NEMF: variants seen among roughly 807,000 people sequenced by gnomAD.
The protein encoded by NEMF is nuclear export mediator factor.
Under a neutral mutation model 162.2 loss-of-function variants are expected in NEMF, and 89 were observed. That is an observed-to-expected ratio of 0.55 (90% confidence interval 0.46 to 0.65). The LOEUF (loss-of-function observed/expected upper bound fraction) is 0.65. NEMF is among the 30% of genes least tolerant of loss of function. The pLI, the probability that NEMF is intolerant of heterozygous loss-of-function variation, is 0.00. For synonymous variants in NEMF, 421 were observed against 404.5 expected, an observed-to-expected ratio of 1.04 and a Z score of -0.49; for missense variants, 1,133 against 1,261.9, an observed-to-expected ratio of 0.90 and a Z score of 1.55.
At chr14:49,846,416 G>A in intron 3 of NEMF, 151 bp from the exon 4 acceptor site, 2 of 676,032 alleles carry the variant, frequency 3.0e-6, no homozygotes, top group South Asian at 4.0e-5. Context: ...GATTGCAGAT[G>A]ATAATCAGAG....
chr14:49,823,155 G>A (rs1002968992), intron 16 of NEMF, among the ~76,000 whole-genome samples: 2 of 151,844 alleles, frequency 1.3e-5, no homozygotes, highest in African/African-American at 4.8e-5. Context: ...GGCCAGGTTG[G>A]TCTCAAACTC....
At position 49,814,868 on chromosome 14, in the gene NEMF, G is replaced by A. The variant is rs1354682732; in HGVS notation, c.1578-11C>T. The A allele has an allele frequency of 1.3e-6, 2 of 1,493,356 alleles. No individual in the cohort carries two copies. Among genetic ancestry groups the A allele is most frequent in the African/African-American group, 2.9e-5 (2 of 69,936 alleles). 92.5% of individuals were successfully genotyped at this position (1,493,356 alleles called of 1,614,324 possible). On this transcript the variant is annotated splice_polypyrimidine_tract_variant and intron_variant, in intron 16 of 32. Transcript: ENST00000298310. ...AGAAATTTCTCAAACCTATCAAAAT[G>A]AAAGAAAAAAAGTTAACTTTTCTTT...
intron 16 of NEMF, among the ~76,000 whole-genome samples, chr14:49,815,698 CT>C (rs1478903275): frequency 2.6e-5 from 4 of 152,116 alleles, no homozygotes; most frequent in Non-Finnish European, 5.9e-5. Flanking sequence ...GACACGGTGC[CT>C]CACGCCTGTA....
intron 16 of NEMF, among the ~76,000 whole-genome samples, chr14:49,818,069 G>A (rs1891806420): frequency 6.7e-6 from 1 of 150,338 alleles, no homozygotes; most frequent in East Asian, 1.9e-4. Context: ...GAAAACAAAT[G>A]GACAAGTGAT....
rs373302126 is a variant in NEMF, at chr14:49,782,903, C to T, written c.*1733G>A. On this transcript the variant is annotated 3_prime_UTR_variant, in exon 33 of 33. Transcript: ENST00000298310. ...ATGGAACTGCCTTCCAAAACACTTA[C>T]TTCACAGTGTTAATCAGAGGTTTGG... 1.4e-5 allele frequency: 22 copies of T among 1,613,052 alleles called. No individual in the cohort carries two copies. The highest frequency in any genetic ancestry group is 1.6e-5 in the Non-Finnish European group (19 of 1,179,186).
At chr14:49,851,913 T>C (rs1305503321) in intron 1 of NEMF, 38 bp from the exon 2 acceptor site, 6 of 1,236,244 alleles carry the variant, frequency 4.9e-6, no homozygotes, top group Non-Finnish European at 6.9e-6. Flanking sequence ...TGTTACACTA[T>C]TGTCTGAAAC....
chr14:49,834,353 G>A lies in NEMF; in HGVS notation c.661+10C>T. ...ATGAAATAAATGAAAAATGTACCAT[G>A]CAGACATACCTTTAGTTTCAAGTTT... is the stretch of plus-strand genomic sequence containing the variant. On this transcript the variant is annotated intron_variant, in intron 7 of 32. Coordinates refer to ENST00000298310, the MANE Select transcript of NEMF (RefSeq NM_004713.6). 6.5e-7 allele frequency: 1 copy of A among 1,545,674 alleles called. No homozygotes were observed. Among genetic ancestry groups the A allele is most frequent in the Non-Finnish European group, 8.9e-7 (1 of 1,119,848 alleles).
At chr14:49,786,654 A>C in intron 29 of NEMF, 64 bp downstream of exon 29, 2 of 1,478,200 alleles carry the variant, frequency 1.4e-6, no homozygotes, top group Non-Finnish European at 1.9e-6. Context: ...GTTGTGTTTC[A>C]AACATTCTGG....
At position 49,825,910 on chromosome 14, in the gene NEMF, C is replaced by G; in HGVS notation, c.1534G>C (p.Val512Leu). 6.2e-7 allele frequency: 1 copy of G among 1,611,508 alleles called. No homozygotes were observed. The highest frequency in any genetic ancestry group is 2.2e-5 in the East Asian group (1 of 44,812). ...EKKTKQTLKEVQTVTSIQKAR... is the reference protein window; with the variant it reads ...EKKTKQTLKELQTVTSIQKAR... ...TTTTGAATAGAGGTAACAGTCTGAA[C>G]TTCTTTTAATGTTTGCTTTGTTTTC... is the stretch of plus-strand genomic sequence containing the variant. The change falls in exon 16 of 33, where the codon GTT becomes CTT. Residue 512 changes from valine to leucine, a missense_variant. Physicochemically the swap from Val to Leu is conservative, Grantham distance 32. This residue lies in a region of NEMF where 582 missense variants were observed against 631.5 expected (regional missense o/e 0.92). Coordinates refer to ENST00000298310, the MANE Select transcript of NEMF (RefSeq NM_004713.6).
At chr14:49,786,519 A>G in intron 29 of NEMF, 199 bp downstream of exon 29, 1 of 578,396 alleles carries the variant, frequency 1.7e-6, no homozygotes, top group South Asian at 2.3e-5. Context: ...TCTTCAGATG[A>G]GGAAACTGAG....
At chr14:49,847,946 C>T (rs1458113178) in intron 3 of NEMF, among the ~76,000 whole-genome samples, 2 of 151,230 alleles carry the variant, frequency 1.3e-5, no homozygotes, top group Admixed American at 6.6e-5. Context: ...GCAAAAGAAT[C>T]GCTTGAACCC....
intron 25 of NEMF, among the ~76,000 whole-genome samples, chr14:49,797,833 T>C (rs950248604): frequency 5.9e-5 from 9 of 152,194 alleles, no homozygotes; most frequent in East Asian, 1.9e-4. Flanking sequence ...TTCAACATCA[T>C]TGTGTTATAA....
intron 22 of NEMF, chr14:49,800,912 A>G (rs1174868637): frequency 8.3e-6 from 4 of 481,494 alleles, no homozygotes; most frequent in South Asian, 3.9e-5. Flanking sequence ...CTTTACCACA[A>G]TAAATTTCTT....
Position 49,806,559 on chromosome 14 carries a change from C to T in NEMF, c.1745-426G>A, listed in dbSNP as rs142297241. On this transcript the variant is annotated intron_variant, in intron 18 of 32. Coordinates refer to ENST00000298310, the MANE Select transcript of NEMF (RefSeq NM_004713.6). ...ACAGGCATGAGCCACCGAACCCGGCCGGTCAATCACATATCTTAAATACTA... is the reference window on the plus strand; with the variant it reads ...ACAGGCATGAGCCACCGAACCCGGCTGGTCAATCACATATCTTAAATACTA... Among the ~76,000 whole-genome samples the T allele has an allele frequency of 3.5e-3, 527 of 151,576 alleles. 4 individuals are homozygous for T. The highest frequency in any genetic ancestry group is 0.012 in the African/African-American group (501 of 41,344).
intron 16 of NEMF, among the ~76,000 whole-genome samples, chr14:49,816,966 G>A (rs1016452584): frequency 6.6e-6 from 1 of 151,990 alleles, no homozygotes; most frequent in Non-Finnish European, 1.5e-5. Context: ...AGAACAAATG[G>A]GACAAGCAAA....
chr14:49,788,353 A>G (rs1311850789), intron 28 of NEMF, among the ~76,000 whole-genome samples: 1 of 151,810 alleles, frequency 6.6e-6, no homozygotes, highest in South Asian at 2.1e-4. Flanking sequence ...GGCTTGCTGT[A>G]CTGTTAATAA....
At chr14:49,847,126 C>T (rs1034519594) in intron 3 of NEMF, among the ~76,000 whole-genome samples, 1 of 151,588 alleles carries the variant, frequency 6.6e-6, no homozygotes, top group East Asian at 2.0e-4. Flanking sequence ...CCTCGTGATC[C>T]GCCCACCTCA....
At chr14:49,852,634 G>T (rs907276823) in intron 1 of NEMF, 61 bp downstream of exon 1, 3 of 1,565,414 alleles carry the variant, frequency 1.9e-6, no homozygotes, top group Non-Finnish European at 2.6e-6. Context: ...TTTGCGCCAT[G>T]GGACTCCGGC....
At chr14:49,845,379 G>A (rs1210001571) in intron 4 of NEMF, among the ~76,000 whole-genome samples, 1 of 152,192 alleles carries the variant, frequency 6.6e-6, no homozygotes, top group Non-Finnish European at 1.5e-5. Flanking sequence ...AAAATGCTAG[G>A]ATTACAGGTG....
Sources: allele counts gnomAD v4.1 joint callset (sites outside exome capture counted in the v4.1 genomes callset), GRCh38; gene constraint gnomAD v4.1.1; regional missense constraint gnomAD v4.1.1; transcripts MANE v1.5; gene names NCBI Gene and HGNC (gene_info 2026-07-23, HGNC 2026-07-21).